The following IL1RAPL2 variants were observed in gnomAD, a reference collection of about 807,000 sequenced individuals.
IL1RAPL2 encodes X-linked interleukin-1 receptor accessory protein-like 2.
Under a neutral mutation model 44.1 loss-of-function variants are expected in IL1RAPL2, and 3 were observed. The ratio of observed to expected loss-of-function variants is 0.07; its 90% CI spans 0.03 to 0.18. The LOEUF is 0.18. Ranked by LOEUF, IL1RAPL2 falls within the 10% of genes least tolerant of loss-of-function variation. IL1RAPL2 has a pLI of 1.00. For synonymous variants in IL1RAPL2, 181 were observed against 178.8 expected, an observed-to-expected ratio of 1.01 and a Z score of -0.10; for missense variants, 391 against 496.4, an observed-to-expected ratio of 0.79 and a Z score of 2.02.
intron 2 of IL1RAPL2, among the ~76,000 whole-genome samples, chrX:104,761,898 TCCTTC>T (rs1932448451): frequency 1.9e-5 from 1 of 53,768 alleles, no homozygotes; most frequent in African/African-American, 1.2e-4. Flanking sequence ...CTTCTCCTTC[TCCTTC>T]TCCTTCTCCT....
chrX:105,674,663 A>G (rs993186977), intron 6 of IL1RAPL2, among the ~76,000 whole-genome samples: 6 of 111,822 alleles, frequency 5.4e-5, no homozygotes, highest in Admixed American at 4.7e-4. Flanking sequence ...TTTTGGTTCC[A>G]TAAAAAAATT....
At chrX:105,387,172 T>G (rs2035482414) in intron 5 of IL1RAPL2, among the ~76,000 whole-genome samples, 1 of 110,961 alleles carries the variant, frequency 9.0e-6, no homozygotes, top group Non-Finnish European at 1.9e-5. Context: ...GCTGCTCTTT[T>G]GGACCTGTAA....
chrX:104,596,296 A>G (rs1214176254), intron 1 of IL1RAPL2, among the ~76,000 whole-genome samples: 1 of 111,775 alleles, frequency 8.9e-6, no homozygotes, highest in Non-Finnish European at 1.9e-5. Context: ...TTACAGGTTC[A>G]GCTAAAACCA....
intron 2 of IL1RAPL2, among the ~76,000 whole-genome samples, chrX:104,892,984 T>A (rs1220542604): frequency 8.9e-6 from 1 of 112,010 alleles, no homozygotes; most frequent in Admixed American, 9.5e-5. Flanking sequence ...GAGATTCTGG[T>A]ATGTTGTGTC....
chrX:104,893,894 A>C (rs1219012978), intron 2 of IL1RAPL2, among the ~76,000 whole-genome samples: 29 of 111,578 alleles, frequency 2.6e-4, no homozygotes, highest in African/African-American at 3.6e-4. Context: ...ATGGTCTTTA[A>C]AATTTGGCAT....
intron 2 of IL1RAPL2, among the ~76,000 whole-genome samples, chrX:104,768,698 T>C (rs1196904496): frequency 1.8e-5 from 2 of 111,427 alleles, no homozygotes; most frequent in African/African-American, 6.5e-5. Flanking sequence ...ATTTTAGACT[T>C]GCCCGATCAA....
intron 6 of IL1RAPL2, among the ~76,000 whole-genome samples, chrX:105,495,836 G>C (rs982401391): frequency 1.6e-4 from 18 of 111,271 alleles, no homozygotes; most frequent in African/African-American, 5.6e-4. Context: ...CATCTGAGTG[G>C]ACTCCTCCTC....
intron 6 of IL1RAPL2, among the ~76,000 whole-genome samples, chrX:105,517,255 A>G (rs1359216856): frequency 2.7e-5 from 3 of 111,810 alleles, no homozygotes; most frequent in African/African-American, 9.7e-5. Context: ...AAAGACAATC[A>G]TACAAATAAC....
intron 2 of IL1RAPL2, among the ~76,000 whole-genome samples, chrX:105,086,348 C>A (rs2032479501): frequency 9.0e-6 from 1 of 110,818 alleles, no homozygotes; most frequent in African/African-American, 3.3e-5. Flanking sequence ...ATAAATAAAC[C>A]TAGAGGACAT....
At chrX:105,749,627 A>AT (rs997911415) in intron 9 of IL1RAPL2, among the ~76,000 whole-genome samples, 1 of 112,352 alleles carries the variant, frequency 8.9e-6, no homozygotes, top group African/African-American at 3.2e-5. Flanking sequence ...TTGAATGCTT[A>AT]TAGCACCATT....
At chrX:104,665,160 T>G (rs1373389558) in intron 2 of IL1RAPL2, among the ~76,000 whole-genome samples, 1 of 111,177 alleles carries the variant, frequency 9.0e-6, no homozygotes, top group Non-Finnish European at 1.9e-5. Flanking sequence ...TACATAAAAT[T>G]TTTACATCAT....
chrX:105,344,746 A>G (rs1011449804), intron 5 of IL1RAPL2, among the ~76,000 whole-genome samples: 2 of 111,810 alleles, frequency 1.8e-5, no homozygotes, highest in Non-Finnish European at 3.8e-5. Flanking sequence ...TGCTCTCCAG[A>G]ATAGTCTAAT....
intron 2 of IL1RAPL2, among the ~76,000 whole-genome samples, chrX:104,806,575 C>T (rs1932924158): frequency 8.9e-6 from 1 of 112,720 alleles, no homozygotes; most frequent in Admixed American, 9.3e-5. Context: ...GATTACCTTA[C>T]TGAGAAAGCT....
At position 105,277,420 on chromosome X, in the gene IL1RAPL2, C is replaced by T. The variant is rs191248331; in HGVS notation, c.697+9879C>T. On this transcript the variant is annotated intron_variant, in intron 5 of 10. Transcript: ENST00000372582. ...TTTGTCTTTCCTCCTAGGCTTTATT[C>T]TCCTTTTCTGGATGACCCTGGCCTT... is the stretch of plus-strand genomic sequence containing the variant. Among the ~76,000 whole-genome samples the T allele has an allele frequency of 3.6e-5, 4 of 111,493 alleles. No homozygotes were observed. In the Admixed American group the frequency reaches 3.8e-4, roughly 11 times the overall value.
At chrX:105,023,191 T>G (rs5963021) in intron 2 of IL1RAPL2, among the ~76,000 whole-genome samples, 2,628 of 110,735 alleles carry the variant, frequency 0.024, 65 homozygotes, top group African/African-American at 0.082. Flanking sequence ...TTAGTTGCTT[T>G]GTATCACTTG....
chrX:105,654,061 C>A (rs182001045), intron 6 of IL1RAPL2, among the ~76,000 whole-genome samples: 5 of 110,562 alleles, frequency 4.5e-5, no homozygotes, highest in African/African-American at 1.7e-4. Flanking sequence ...CCAACTTGAT[C>A]CAAGGATGAA....
intron 5 of IL1RAPL2, among the ~76,000 whole-genome samples, chrX:105,436,756 C>CA (rs57198037): frequency 6.2e-4 from 69 of 110,434 alleles, no homozygotes; most frequent in African/African-American, 2.2e-3. Flanking sequence ...GCCTCCATTA[C>CA]ATTACTGAAA....
intron 2 of IL1RAPL2, among the ~76,000 whole-genome samples, chrX:105,155,908 TA>T (rs1475941650): frequency 9.0e-6 from 1 of 111,429 alleles, no homozygotes; most frequent in African/African-American, 3.3e-5. Context: ...CTTCCTCCTC[TA>T]AGAGTACTTG....
At chrX:105,219,752 C>A in intron 3 of IL1RAPL2, 1 of 1,202,419 alleles carries the variant, frequency 8.3e-7, no homozygotes, top group African/African-American at 1.7e-5. Context: ...TGGGGAGACA[C>A]CAGCTCCTGG....
Sources: allele counts gnomAD v4.1 joint callset (sites outside exome capture counted in the v4.1 genomes callset), GRCh38; gene constraint gnomAD v4.1.1; transcripts MANE v1.5; gene names NCBI Gene and HGNC (gene_info 2026-07-23, HGNC 2026-07-21).